SCAPER: variants seen among roughly 807,000 people sequenced by gnomAD.
SCAPER encodes S-phase cyclin A associated protein in the ER, also known as S phase cyclin A-associated protein in the endoplasmic reticulum.
Under a neutral mutation model 182.2 loss-of-function variants are expected in SCAPER, and 98 were observed. That is an observed-to-expected ratio of 0.54 (90% CI 0.46 to 0.64). SCAPER has a LOEUF of 0.64. Ranked by LOEUF, SCAPER falls within the 30% of genes least tolerant of loss-of-function variation. The pLI is 0.00. For missense variants in SCAPER, 1,432 were observed against 1,690.0 expected (o/e 0.85, Z 2.68); for synonymous variants, 605 against 564.6 (o/e 1.07, Z -1.01).
chr15:76,665,443 G>C (rs1258140296), intron 21 of SCAPER, among the ~76,000 whole-genome samples: 1 of 152,186 alleles, frequency 6.6e-6, no homozygotes, highest in Non-Finnish European at 1.5e-5. Context: ...ATTATAAGAA[G>C]AGCTCTTAAC....
chr15:76,664,295 A>C (rs767191797), intron 21 of SCAPER, among the ~76,000 whole-genome samples: 5 of 152,196 alleles, frequency 3.3e-5, no homozygotes, highest in Admixed American at 2.6e-4. Flanking sequence ...ATCAGGGGAA[A>C]GCAGTGAAGT....
intron 27 of SCAPER, among the ~76,000 whole-genome samples, chr15:76,383,245 A>G (rs1185729823): frequency 6.6e-6 from 1 of 152,186 alleles, no homozygotes; most frequent in Non-Finnish European, 1.5e-5. Context: ...CTTTCCTAGA[A>G]GCACTCAAGA....
chr15:76,402,929 T>C (rs2956872), intron 27 of SCAPER, among the ~76,000 whole-genome samples: 147,883 of 152,206 alleles, frequency 0.97, 71,972 homozygotes, highest in East Asian at 1. Flanking sequence ...CCATAGATTT[T>C]AAGTGACTGA....
chr15:76,700,511 C>T lies in SCAPER; in HGVS notation c.2508+1247G>A, dbSNP rs112884936. 1.7e-3 allele frequency among the ~76,000 whole-genome samples: 255 copies of T among 152,292 alleles called. 2 individuals are homozygous for T. Among genetic ancestry groups the T allele is most frequent in the Middle Eastern group, 0.014 (4 of 294 alleles). ...GCTCTACAAAGCCAGGCAACATTCCCTGCTTTCTCTTGCAGCTTCAGCCCA... is the reference window on the plus strand; with the variant it reads ...GCTCTACAAAGCCAGGCAACATTCCTTGCTTTCTCTTGCAGCTTCAGCCCA... On this transcript the variant is annotated intron_variant, in intron 20 of 31. Transcript: ENST00000563290.
At chr15:76,801,829 A>G (rs561482498) in intron 6 of SCAPER, among the ~76,000 whole-genome samples, 1 of 151,986 alleles carries the variant, frequency 6.6e-6, no homozygotes. Context: ...CTGAGGCTTA[A>G]AAGTGGAAGG....
chr15:76,755,274 C>T (rs2151202771), intron 14 of SCAPER, among the ~76,000 whole-genome samples: 2 of 152,210 alleles, frequency 1.3e-5, no homozygotes, highest in Admixed American at 1.3e-4. Flanking sequence ...ATCTATTCAT[C>T]TAATGACAAA....
rs760083382 is a variant in SCAPER at position 76,574,222 on chromosome 15, G to A, written c.2774C>T (p.Ala925Val). 4 of 1,611,468 alleles carry A rather than the reference G, an allele frequency of 2.5e-6. No individual in the cohort carries two copies. Among genetic ancestry groups the A allele is most frequent in the African/African-American group, 1.3e-5 (1 of 74,988 alleles). The change falls in exon 23 of 32, where the codon GCA (alanine) becomes GTA (valine). Residue 925 changes from alanine to valine, a missense_variant. Transcript: ENST00000563290. ...QVQVQDSGSW[A>V]NNKVSALDRT... is the part of the protein sequence containing the mutation. The stretch of plus-strand genomic sequence containing the variant: ...ATCCAAAGCAGACACTTTATTGTTT[G>A]CCCATGAGCCACTGTCTTGAACTTG...
At chr15:76,561,537 AG>A (rs1302512410) in intron 23 of SCAPER, among the ~76,000 whole-genome samples, 1 of 152,096 alleles carries the variant, frequency 6.6e-6, no homozygotes, top group Non-Finnish European at 1.5e-5. Flanking sequence ...CCGATACTTG[AG>A]GGAAGTGTGC....
intron 21 of SCAPER, among the ~76,000 whole-genome samples, chr15:76,652,311 C>A (rs2956388): frequency 5.4e-5 from 1 of 18,560 alleles, no homozygotes; most frequent in African/African-American, 1.9e-4. Context: ...TATATATATA[C>A]ACACACACAC....
intron 24 of SCAPER, among the ~76,000 whole-genome samples, chr15:76,491,907 C>T (rs1258931679): frequency 2.0e-5 from 3 of 152,202 alleles, no homozygotes; most frequent in Non-Finnish European, 4.4e-5. Flanking sequence ...GTTGGGATTA[C>T]AGGCGTTAGC....
intron 26 of SCAPER, among the ~76,000 whole-genome samples, chr15:76,414,852 A>T (rs1361091653): frequency 2.6e-5 from 4 of 152,196 alleles, no homozygotes; most frequent in Non-Finnish European, 2.9e-5. Flanking sequence ...AAGAATATAG[A>T]ATTATGTTGT....
At chr15:76,537,665 C>T (rs2044302917) in intron 23 of SCAPER, among the ~76,000 whole-genome samples, 1 of 151,920 alleles carries the variant, frequency 6.6e-6, no homozygotes, top group South Asian at 2.1e-4. Flanking sequence ...TGGGCAAGGA[C>T]TTCATGTCTA....
At chr15:76,894,097 A>C (rs1232055679) in intron 1 of SCAPER, among the ~76,000 whole-genome samples, 2 of 152,124 alleles carry the variant, frequency 1.3e-5, no homozygotes, top group African/African-American at 4.8e-5. Context: ...CTAAAAATAC[A>C]AAAAATTAGC....
intron 25 of SCAPER, among the ~76,000 whole-genome samples, chr15:76,443,406 T>A (rs1388770104): frequency 6.6e-6 from 1 of 152,120 alleles, no homozygotes; most frequent in Non-Finnish European, 1.5e-5. Context: ...ACATCAAATT[T>A]ATGGTGAAGC....
intron 24 of SCAPER, among the ~76,000 whole-genome samples, chr15:76,471,727 C>T (rs968088277): frequency 2.6e-5 from 4 of 152,006 alleles, no homozygotes; most frequent in African/African-American, 9.7e-5. Flanking sequence ...TCACCTGGTC[C>T]GGGATAAGAA....
At chr15:76,857,924 A>G (rs906056224) in intron 3 of SCAPER, 45 bp from the exon 4 acceptor site, 26 of 1,318,104 alleles carry the variant, frequency 2.0e-5, no homozygotes, top group South Asian at 2.7e-5. Flanking sequence ...ACAGAATGAT[A>G]GATAGTATAA....
intron 5 of SCAPER, among the ~76,000 whole-genome samples, chr15:76,811,752 C>G (rs759421882): frequency 5.9e-5 from 9 of 151,536 alleles, no homozygotes; most frequent in Non-Finnish European, 1.0e-4. Context: ...CACGCCATTG[C>G]ACTCCAGCCT....
rs77488089 is a variant in SCAPER at position 76,857,448 on chromosome 15, T to TA, written c.195+360dup. ...ACTGTCTCAAAGAAAAAAAAAAAGTTAAAAAAAAAAAAGAAAAAAATTAAC... is the reference window on the plus strand; with the variant it reads ...ACTGTCTCAAAGAAAAAAAAAAAGTTAAAAAAAAAAAAAGAAAAAAATTAAC... On this transcript the variant is annotated intron_variant, in intron 4 of 31. Coordinates refer to ENST00000563290, the MANE Select transcript of SCAPER (RefSeq NM_020843.4). Among the ~76,000 whole-genome samples, 748 of 139,538 alleles carry TA rather than the reference T, an allele frequency of 5.4e-3. 6 individuals are homozygous for TA. Among genetic ancestry groups the TA allele is most frequent in the African/African-American group, 0.015 (577 of 38,104 alleles). 91.5% of individuals were successfully genotyped at this position (139,538 alleles called of 152,430 possible).
intron 18 of SCAPER, among the ~76,000 whole-genome samples, chr15:76,703,480 T>A (rs1339210294): frequency 1.3e-5 from 2 of 152,216 alleles, no homozygotes; most frequent in Non-Finnish European, 2.9e-5. Flanking sequence ...AGGCCCATCA[T>A]GACCAAACCT....
Sources: allele counts gnomAD v4.1 joint callset (sites outside exome capture counted in the v4.1 genomes callset), GRCh38; gene constraint gnomAD v4.1.1; transcripts MANE v1.5; gene names NCBI Gene and HGNC (gene_info 2026-07-23, HGNC 2026-07-21).